GRM5: variants seen among roughly 807,000 people sequenced by gnomAD.
GRM5 encodes glutamate metabotropic receptor 5, also known as metabotropic glutamate receptor 5.
Under a neutral mutation model 83.1 loss-of-function variants are expected in GRM5, and 19 were observed. That is an observed-to-expected ratio of 0.23 (90% CI 0.16 to 0.34). The LOEUF (loss-of-function observed/expected upper bound fraction) is 0.34, where lower values mean the gene tolerates loss of function less well. Ranked by LOEUF, GRM5 falls within the 10% of genes least tolerant of loss-of-function variation. GRM5 has a pLI of 1.00. For synonymous variants in GRM5, 675 were observed against 633.6 expected, an observed-to-expected ratio of 1.07 and a Z score of -0.98; for missense variants, 1,160 against 1,588.3, an observed-to-expected ratio of 0.73 and a Z score of 4.58.
intron 9 of GRM5, among the ~76,000 whole-genome samples, chr11:88,524,986 T>A (rs1941830935): frequency 6.6e-6 from 1 of 152,178 alleles, no homozygotes; most frequent in African/African-American, 2.4e-5. Flanking sequence ...TTTCCTCCAA[T>A]CTCTTCCACT....
At chr11:89,064,940 G>T (rs1942069596) in intron 1 of GRM5, among the ~76,000 whole-genome samples, 1 of 43,570 alleles carries the variant, frequency 2.3e-5, no homozygotes, top group Non-Finnish European at 5.4e-5. Flanking sequence ...GAGAGAGAGA[G>T]GGAGAGAGAG....
chr11:88,616,205 TATG>T (rs1938475588), intron 4 of GRM5, among the ~76,000 whole-genome samples: 1 of 152,140 alleles, frequency 6.6e-6, no homozygotes, highest in Non-Finnish European at 1.5e-5. Context: ...TTAATAATAA[TATG>T]ATTTCTTCAC....
intron 3 of GRM5, among the ~76,000 whole-genome samples, chr11:88,765,279 A>T (rs1942605027): frequency 6.6e-6 from 1 of 151,320 alleles, no homozygotes; most frequent in African/African-American, 2.4e-5. Flanking sequence ...CCTGGGTCTG[A>T]TAGCTTCATG....
At chr11:88,961,291 C>T (rs1475153941) in intron 2 of GRM5, among the ~76,000 whole-genome samples, 2 of 151,966 alleles carry the variant, frequency 1.3e-5, no homozygotes, top group Non-Finnish European at 2.9e-5. Context: ...ACAAGCAGCT[C>T]AGCTGTTCCC....
chr11:88,752,893 A>T (rs7124241), intron 3 of GRM5, among the ~76,000 whole-genome samples: 109,409 of 151,356 alleles, frequency 0.72, 39,938 homozygotes, highest in African/African-American at 0.75. Flanking sequence ...CTCAAAGAAC[A>T]GGTTAGCTAT....
intron 4 of GRM5, among the ~76,000 whole-genome samples, chr11:88,647,895 A>G (rs868490687): frequency 3.9e-5 from 6 of 151,996 alleles, no homozygotes; most frequent in Non-Finnish European, 7.4e-5. Flanking sequence ...CAAAAAACAC[A>G]TGAAAAAATG....
At chr11:88,832,378 A>G (rs1944011668) in intron 3 of GRM5, among the ~76,000 whole-genome samples, 1 of 152,214 alleles carries the variant, frequency 6.6e-6, no homozygotes, top group Non-Finnish European at 1.5e-5. Flanking sequence ...TACAATGGCT[A>G]TTAAAAAAAT....
chr11:88,717,625 C>A (rs907241684), intron 3 of GRM5, among the ~76,000 whole-genome samples: 1 of 151,684 alleles, frequency 6.6e-6, no homozygotes, highest in African/African-American at 2.4e-5. Flanking sequence ...TTTCATATAG[C>A]AAAATATCGT....
chr11:88,855,624 T>C (rs563472087), intron 2 of GRM5, among the ~76,000 whole-genome samples: 1 of 152,056 alleles, frequency 6.6e-6, no homozygotes, highest in South Asian at 2.1e-4. Flanking sequence ...GATGCTGAAT[T>C]TTTTCTTAGG....
intron 4 of GRM5, among the ~76,000 whole-genome samples, chr11:88,633,338 A>G (rs1939031542): frequency 6.6e-6 from 1 of 152,182 alleles, no homozygotes; most frequent in Admixed American, 6.5e-5. Flanking sequence ...CTCATTACAG[A>G]GCAAGTGTTT....
rs1941408897 is a variant in GRM5, at chr11:89,037,154, A to ATGTCT, written c.661+10057_661+10058insAGACA. 6.6e-5 allele frequency among the ~76,000 whole-genome samples: 10 copies of ATGTCT among 152,154 alleles called. No homozygotes were observed. The South Asian group carries it at 2.1e-3, about 32-fold the overall frequency. ...AATGCCTTATATTTTATGTGCTTGT[A>ATGTCT]CCTGTATGTCTCTGTGTATGTGTGG... On this transcript the variant is annotated intron_variant, in intron 2 of 9. Transcript: ENST00000305447.
At chr11:88,944,728 C>T (rs1938221079) in intron 2 of GRM5, among the ~76,000 whole-genome samples, 4 of 151,720 alleles carry the variant, frequency 2.6e-5, no homozygotes, top group African/African-American at 7.3e-5. Flanking sequence ...TGTCAATTAT[C>T]CAGCTATGAC....
chr11:88,757,899 T>C (rs966893644), intron 3 of GRM5, among the ~76,000 whole-genome samples: 1 of 152,094 alleles, frequency 6.6e-6, no homozygotes, highest in African/African-American at 2.4e-5. Context: ...CCGATTGTAG[T>C]TGGTTTCTAA....
At chr11:88,857,560 A>T (rs905566560) in intron 2 of GRM5, among the ~76,000 whole-genome samples, 3 of 152,038 alleles carry the variant, frequency 2.0e-5, no homozygotes, top group Admixed American at 1.3e-4. Flanking sequence ...TTGACAGTGA[A>T]GCACCTCTTC....
chr11:88,907,388 G>A (rs1945423056), intron 2 of GRM5, among the ~76,000 whole-genome samples: 2 of 152,072 alleles, frequency 1.3e-5, no homozygotes, highest in African/African-American at 4.8e-5. Context: ...TGCTAGTAGT[G>A]CCACACAAGG....
chr11:88,639,304 T>C (rs577613634), intron 4 of GRM5, among the ~76,000 whole-genome samples: 28 of 152,270 alleles, frequency 1.8e-4, no homozygotes, highest in African/African-American at 6.7e-4. Flanking sequence ...TTCTCTCCTC[T>C]CTGATTCTGT....
intron 2 of GRM5, among the ~76,000 whole-genome samples, chr11:88,991,828 A>G (rs1298030983): frequency 1.1e-4 from 17 of 151,914 alleles, no homozygotes; most frequent in South Asian, 2.1e-4. Context: ...AGCTGAAACT[A>G]GATCCCTTCC....
rs184405217 is a variant in GRM5, at chr11:88,726,804, A to G, written c.912-73401T>C. Among the ~76,000 whole-genome samples, 95 of 152,344 alleles carry G rather than the reference A, an allele frequency of 6.2e-4. No homozygotes were observed. The East Asian group carries it at 0.016, about 25-fold the overall frequency. On this transcript the variant is annotated intron_variant, in intron 3 of 9. Coordinates refer to ENST00000305447, the MANE Select transcript of GRM5 (RefSeq NM_001143831.3). ...CCAGCCAACTAAACTTCATAAGTGA[A>G]GGAGAAATAAAATCCTTTACAGACA... is the stretch of plus-strand genomic sequence containing the variant.
chr11:88,642,901 C>T (rs1939332879), intron 4 of GRM5, among the ~76,000 whole-genome samples: 1 of 152,100 alleles, frequency 6.6e-6, no homozygotes, highest in Non-Finnish European at 1.5e-5. Context: ...AAGTTCTAAA[C>T]TTTCCCTTAT....
Sources: allele counts gnomAD v4.1 joint callset (sites outside exome capture counted in the v4.1 genomes callset), GRCh38; gene constraint gnomAD v4.1.1; transcripts MANE v1.5; gene names NCBI Gene and HGNC (gene_info 2026-07-23, HGNC 2026-07-21).